The following RNLS variants were observed in gnomAD, a reference collection of about 807,000 sequenced individuals.
RNLS encodes the protein renalase, FAD dependent amine oxidase.
Under a neutral mutation model 39.8 loss-of-function variants are expected in RNLS, and 39 were observed. The ratio of observed to expected loss-of-function variants is 0.98; its 90% CI spans 0.76 to 1.28. The LOEUF (loss-of-function observed/expected upper bound fraction) is 1.28, where lower values mean the gene tolerates loss of function less well. Among genes scored for constraint, RNLS ranks in the 50% most tolerant of loss-of-function variants. The probability of loss-of-function intolerance (pLI) is 0.00; values close to 1 mark genes in which losing one functional copy is unlikely to be tolerated. For missense variants in RNLS, 410 were observed against 413.3 expected, an observed-to-expected ratio of 0.99 and a Z score of 0.07; for synonymous variants, 147 against 150.7, an observed-to-expected ratio of 0.98 and a Z score of 0.18.
intron 6 of RNLS, among the ~76,000 whole-genome samples, chr10:88,302,046 T>G (rs150696710): frequency 2.8e-3 from 431 of 152,318 alleles, no homozygotes; most frequent in African/African-American, 0.01. Flanking sequence ...ATGTCTGTAG[T>G]AAATGTTTTC....
chr10:88,289,758 A>G (rs1843536900), intron 6 of RNLS, among the ~76,000 whole-genome samples: 1 of 152,200 alleles, frequency 6.6e-6, no homozygotes, highest in Non-Finnish European at 1.5e-5. Flanking sequence ...AGTTCTTGAC[A>G]GAAAACCTAC....
the RNLS span, among the ~76,000 whole-genome samples, chr10:88,179,883 A>C: frequency 3.3e-5 from 5 of 152,256 alleles, no homozygotes; most frequent in Admixed American, 6.5e-5. Flanking sequence ...GTGGAGGTGA[A>C]TCTTCCATAA....
intron 3 of RNLS, among the ~76,000 whole-genome samples, chr10:88,576,246 A>T (rs1172673662): frequency 6.6e-6 from 1 of 152,184 alleles, no homozygotes; most frequent in African/African-American, 2.4e-5. Context: ...TATACTCTAC[A>T]TTAACAGAGG....
intron 5 of RNLS, among the ~76,000 whole-genome samples, chr10:88,341,646 T>C (rs1168789922): frequency 6.6e-6 from 1 of 152,020 alleles, no homozygotes; most frequent in East Asian, 1.9e-4. Context: ...GCTCATAACA[T>C]GAAATTATTA....
the RNLS span, among the ~76,000 whole-genome samples, chr10:88,250,946 A>T: frequency 1.3e-5 from 2 of 152,234 alleles, no homozygotes; most frequent in African/African-American, 4.8e-5. Flanking sequence ...GGCAAACTGC[A>T]CTTGAAACTG....
At chr10:88,505,448 A>G (rs555557797) in intron 4 of RNLS, among the ~76,000 whole-genome samples, 2 of 151,814 alleles carry the variant, frequency 1.3e-5, no homozygotes, top group Admixed American at 1.3e-4. Flanking sequence ...TGTGTGTTGG[A>G]GAAAGGGAGG....
intron 4 of RNLS, among the ~76,000 whole-genome samples, chr10:88,407,619 C>T (rs1158585938): frequency 1.3e-5 from 2 of 152,048 alleles, no homozygotes; most frequent in Non-Finnish European, 2.9e-5. Context: ...GAAATACTTA[C>T]TAGTACCAGA....
At chr10:88,217,248 G>A in the RNLS span, among the ~76,000 whole-genome samples, 1 of 152,070 alleles carries the variant, frequency 6.6e-6, no homozygotes, top group Non-Finnish European at 1.5e-5. Flanking sequence ...AAGCAGCAAA[G>A]TTCGTCAAAC....
At chr10:88,396,457 A>C (rs1210315668) in intron 4 of RNLS, among the ~76,000 whole-genome samples, 2 of 151,432 alleles carry the variant, frequency 1.3e-5, no homozygotes, top group African/African-American at 2.4e-5. Context: ...GACTACTAAT[A>C]AAATAACTTT....
At chr10:88,410,800 A>C (rs1481321433) in intron 4 of RNLS, among the ~76,000 whole-genome samples, 2 of 152,150 alleles carry the variant, frequency 1.3e-5, no homozygotes, top group Non-Finnish European at 2.9e-5. Flanking sequence ...GTTGTTATTA[A>C]AGAATAAATA....
the RNLS span, among the ~76,000 whole-genome samples, chr10:88,247,371 T>G: frequency 3.7e-3 from 560 of 152,226 alleles, 6 homozygotes; most frequent in African/African-American, 0.013. Context: ...AAGTGAGGGT[T>G]GAGCAGAGGG....
At chr10:88,268,689 A>C in the RNLS span, among the ~76,000 whole-genome samples, 1 of 152,168 alleles carries the variant, frequency 6.6e-6, no homozygotes, top group African/African-American at 2.4e-5. Context: ...TGTTAACTTT[A>C]TTCTTGACCT....
intron 4 of RNLS, among the ~76,000 whole-genome samples, chr10:88,458,578 G>C (rs749258328): frequency 3.3e-5 from 5 of 152,172 alleles, no homozygotes; most frequent in Non-Finnish European, 5.9e-5. Flanking sequence ...TATACTGGAC[G>C]TAGTACTTGG....
downstream of RNLS, among the ~76,000 whole-genome samples, chr10:88,280,118 C>G (rs540776612): frequency 7.9e-5 from 12 of 152,254 alleles, no homozygotes; most frequent in African/African-American, 1.9e-4. Context: ...CCTCCTCCCC[C>G]CTTTATGATC....
rs117910485 is a variant in RNLS, at chr10:88,340,116, C to T, written c.700+22436G>A. Among the ~76,000 whole-genome samples the T allele has an allele frequency of 4.1e-3, 627 of 152,316 alleles. 5 individuals carry two copies. The highest frequency in any genetic ancestry group is 0.029 in the South Asian group (138 of 4,834). On this transcript the variant is annotated intron_variant, in intron 5 of 6. Transcript: ENST00000331772. ...TATCTTGCAATAATTCAGACCTTTA[C>T]AGAGGAAGCAATATCTTGAAGGTTT... is the stretch of plus-strand genomic sequence containing the variant.
At chr10:88,346,684 T>A (rs1848327582) in intron 5 of RNLS, among the ~76,000 whole-genome samples, 1 of 152,076 alleles carries the variant, frequency 6.6e-6, no homozygotes, top group Non-Finnish European at 1.5e-5. Flanking sequence ...CATTTCAGAG[T>A]TGCAAAAAGG....
intron 4 of RNLS, among the ~76,000 whole-genome samples, chr10:88,569,603 T>G (rs1408547161): frequency 1.3e-5 from 2 of 152,170 alleles, no homozygotes; most frequent in African/African-American, 4.8e-5. Context: ...CATATAGAAC[T>G]AATTAAGTTA....
At chr10:88,253,863 C>T in the RNLS span, among the ~76,000 whole-genome samples, 1 of 152,122 alleles carries the variant, frequency 6.6e-6, no homozygotes, top group African/African-American at 2.4e-5. Context: ...GTCAACTAAT[C>T]CTTGCTAAGG....
chr10:88,572,828 G>A, intron 4 of RNLS, 75 bp downstream of exon 4: 1 of 1,496,036 alleles, frequency 6.7e-7, no homozygotes, highest in Non-Finnish European at 9.2e-7. Context: ...TTTGCGAAGA[G>A]AGTTAAACCA....
Sources: gnomAD v4.1 joint callset for allele counts (sites outside exome capture counted in the v4.1 genomes callset) on GRCh38, gnomAD v4.1.1 for gene constraint, MANE v1.5 for transcripts, NCBI Gene and HGNC (gene_info 2026-07-23, HGNC 2026-07-21) for gene names.